Variants in TBC1D4 observed in about 807,000 individuals in gnomAD.
TBC1D4 encodes TBC1 domain family member 4.
A neutral mutation model predicts 142.5 loss-of-function variants in TBC1D4; 121 were observed. The observed-to-expected ratio is 0.85, with a 90% CI of 0.73 to 0.99. The LOEUF (loss-of-function observed/expected upper bound fraction) is 0.99. TBC1D4 is among the 50% of genes least tolerant of loss of function. The pLI is 0.00. For synonymous variants in TBC1D4, 630 were observed against 628.2 expected, an observed-to-expected ratio of 1.00 and a Z score of -0.04; for missense variants, 1,475 against 1,606.6, an observed-to-expected ratio of 0.92 and a Z score of 1.40.
intron 1 of TBC1D4, among the ~76,000 whole-genome samples, chr13:75,402,841 T>G (rs1885165601): frequency 6.6e-6 from 1 of 152,148 alleles, no homozygotes; most frequent in Non-Finnish European, 1.5e-5. Context: ...TATCTAAAAA[T>G]AGACACTGCC....
intron 1 of TBC1D4, among the ~76,000 whole-genome samples, chr13:75,464,461 T>C (rs902476281): frequency 3.3e-5 from 5 of 152,220 alleles, no homozygotes; most frequent in African/African-American, 1.2e-4. Flanking sequence ...GCCCATCCCT[T>C]TGTTTCCTGT....
intron 11 of TBC1D4, among the ~76,000 whole-genome samples, chr13:75,320,795 G>T (rs1236762810): frequency 6.6e-6 from 1 of 151,090 alleles, no homozygotes; most frequent in African/African-American, 2.4e-5. Context: ...AGGCTGAGGC[G>T]GGCGGATCAC....
intron 1 of TBC1D4, among the ~76,000 whole-genome samples, chr13:75,450,548 T>C (rs1887492567): frequency 2.0e-5 from 3 of 152,206 alleles, no homozygotes; most frequent in Non-Finnish European, 4.4e-5. Context: ...TTTATAAGTG[T>C]ATAACACTGT....
chr13:75,407,679 A>T (rs1006178382), intron 1 of TBC1D4, among the ~76,000 whole-genome samples: 1 of 152,166 alleles, frequency 6.6e-6, no homozygotes, highest in Non-Finnish European at 1.5e-5. Context: ...ACAGGTACTC[A>T]TTGTCAATCA....
chr13:75,346,092 A>G (rs1881122036), intron 5 of TBC1D4, among the ~76,000 whole-genome samples: 1 of 152,232 alleles, frequency 6.6e-6, no homozygotes, highest in Non-Finnish European at 1.5e-5. Context: ...AACAATGGGA[A>G]AAGACGGGTA....
intron 4 of TBC1D4, among the ~76,000 whole-genome samples, chr13:75,355,354 T>C (rs752596107): frequency 1.3e-5 from 2 of 152,190 alleles, no homozygotes; most frequent in Non-Finnish European, 2.9e-5. Flanking sequence ...GAAGATGGCA[T>C]AGGTGCAAGA....
chr13:75,424,383 AT>A lies in TBC1D4; in HGVS notation c.498+56886del, dbSNP rs201369924. Among the ~76,000 whole-genome samples, 13 of 152,100 alleles carry A rather than the reference AT, an allele frequency of 8.5e-5. No homozygotes were observed. In the East Asian group the frequency reaches 1.5e-3, roughly 18 times the overall value. On this transcript the variant is annotated intron_variant, in intron 1 of 20. Coordinates refer to ENST00000377636, the MANE Select transcript of TBC1D4 (RefSeq NM_014832.5). ...ATTCAAAATCTTTTATTAATATTGT[AT>A]TTTTTGATGTTTTTTAAATCATTTT...
rs78244709 is a variant in TBC1D4, at chr13:75,303,840, T to C, written c.2753-1439A>G. Among the ~76,000 whole-genome samples, 130 of 152,316 alleles carry C rather than the reference T, an allele frequency of 8.5e-4. 1 individual carries two copies. The East Asian group carries it at 0.021, about 24-fold the overall frequency. On this transcript the variant is annotated intron_variant, in intron 15 of 20. Transcript: ENST00000377636. ...CTTGTGGTTATTTTCACTTCTCCAG[T>C]TTCTTGCACCTCCTGTTGCCTTTAT...
intron 1 of TBC1D4, among the ~76,000 whole-genome samples, chr13:75,392,257 C>G (rs1182164014): frequency 6.6e-6 from 1 of 152,168 alleles, no homozygotes; most frequent in Non-Finnish European, 1.5e-5. Context: ...AAAAATCACC[C>G]TATTTTAAAG....
chr13:75,390,224 G>A (rs1462828292), intron 1 of TBC1D4, among the ~76,000 whole-genome samples: 4 of 142,728 alleles, frequency 2.8e-5, no homozygotes, highest in African/African-American at 1.0e-4. Context: ...AGGTTGCAGT[G>A]AGCCAAGATC....
chr13:75,378,717 A>G (rs116159422), intron 1 of TBC1D4, among the ~76,000 whole-genome samples: 3,304 of 152,216 alleles, frequency 0.022, 128 homozygotes, highest in African/African-American at 0.075. Flanking sequence ...AAATTGGTCT[A>G]TCTTCTCAAT....
chr13:75,294,194 A>C (rs1431313091), intron 18 of TBC1D4, among the ~76,000 whole-genome samples: 1 of 152,338 alleles, frequency 6.6e-6, no homozygotes, highest in East Asian at 1.9e-4. Flanking sequence ...CAAAGGGGAC[A>C]TAAACCATGT....
intron 1 of TBC1D4, among the ~76,000 whole-genome samples, chr13:75,461,726 CA>C (rs1318973993): frequency 1.3e-5 from 2 of 152,200 alleles, no homozygotes; most frequent in Non-Finnish European, 2.9e-5. Context: ...CAGATTGAGA[CA>C]TTTTGTTAAA....
At chr13:75,370,147 A>G (rs888444774) in intron 1 of TBC1D4, among the ~76,000 whole-genome samples, 1 of 152,206 alleles carries the variant, frequency 6.6e-6, no homozygotes, top group South Asian at 2.1e-4. Flanking sequence ...AACATCAAGT[A>G]CTAAGGCCCT....
chr13:75,337,465 T>A (rs1028078699), intron 7 of TBC1D4, among the ~76,000 whole-genome samples: 1 of 152,242 alleles, frequency 6.6e-6, no homozygotes, highest in Non-Finnish European at 1.5e-5. Context: ...AACTGGATTC[T>A]GGTAATGCCT....
intron 19 of TBC1D4, among the ~76,000 whole-genome samples, chr13:75,289,684 C>T (rs993353864): frequency 6.6e-5 from 10 of 152,060 alleles, no homozygotes; most frequent in East Asian, 3.9e-4. Context: ...ACATATTGTA[C>T]CACACAGAGA....
At chr13:75,378,332 T>G (rs957571930) in intron 1 of TBC1D4, among the ~76,000 whole-genome samples, 7 of 152,166 alleles carry the variant, frequency 4.6e-5, no homozygotes, top group Non-Finnish European at 8.8e-5. Context: ...AATCACCTAC[T>G]CATTCTTATG....
intron 12 of TBC1D4, among the ~76,000 whole-genome samples, chr13:75,316,239 T>C (rs1353662150): frequency 6.6e-6 from 1 of 152,186 alleles, no homozygotes; most frequent in African/African-American, 2.4e-5. Flanking sequence ...AGTTTCATGA[T>C]TGCCTATAAA....
chr13:75,311,594 G>A (rs1877761582), intron 13 of TBC1D4, among the ~76,000 whole-genome samples: 1 of 151,912 alleles, frequency 6.6e-6, no homozygotes, highest in East Asian at 1.9e-4. Context: ...ATATATTCAT[G>A]GCTTTTAACT....
Sources: allele counts gnomAD v4.1 joint callset (sites outside exome capture counted in the v4.1 genomes callset), GRCh38; gene constraint gnomAD v4.1.1; transcripts MANE v1.5; gene names NCBI Gene and HGNC (gene_info 2026-07-23, HGNC 2026-07-21).